The following APPBP2 variants were observed in gnomAD, a reference collection of about 807,000 sequenced individuals.
APPBP2 encodes amyloid protein-binding protein 2.
APPBP2 carries 15 observed loss-of-function variants against 76.0 expected under a neutral mutation model. That is an observed-to-expected ratio of 0.20 (90% CI 0.13 to 0.30). The LOEUF (loss-of-function observed/expected upper bound fraction) is 0.30. Among genes scored for constraint, APPBP2 ranks in the 10% least tolerant of loss-of-function variants. APPBP2 has a pLI of 1.00. For synonymous variants in APPBP2, 222 were observed against 242.2 expected (o/e 0.92, Z 0.77); for missense variants, 401 against 687.2 (o/e 0.58, Z 4.66).
At chr17:60,466,013 A>G (rs2143334326) in intron 5 of APPBP2, among the ~76,000 whole-genome samples, 1 of 152,114 alleles carries the variant, frequency 6.6e-6, no homozygotes, top group East Asian at 1.9e-4. Context: ...AATTTTCTAT[A>G]GAGGCAGGGT....
chr17:60,496,645 G>T (rs141173194), intron 2 of APPBP2, among the ~76,000 whole-genome samples: 1 of 152,152 alleles, frequency 6.6e-6, no homozygotes, highest in East Asian at 1.9e-4. Context: ...AACTAATCAA[G>T]AAGTTTCTCT....
intron 1 of APPBP2, among the ~76,000 whole-genome samples, chr17:60,510,399 C>A (rs901977151): frequency 1.5e-4 from 22 of 151,670 alleles, no homozygotes; most frequent in African/African-American, 5.3e-4. Context: ...CAAAATCCTG[C>A]CTCAAAACAA....
rs1054511466 is a variant in APPBP2, at chr17:60,447,328, C to T, written c.*253G>A. The T allele has an allele frequency of 1.1e-5, 4 of 351,020 alleles. No homozygotes were observed. The highest frequency in any genetic ancestry group is 4.6e-5 in the Admixed American group (1 of 21,662). 21.7% of individuals were successfully genotyped at this position (351,020 alleles called of 1,614,324 possible). A position where few individuals can be genotyped will look rare whatever the true frequency, so the allele number is the denominator to read the frequency against. ...TTTAAAAACAACAAAAAAAAGATTTCCTGTTGTTTGTTCTACTAGGTTGAA... is the reference window on the plus strand; with the variant it reads ...TTTAAAAACAACAAAAAAAAGATTTTCTGTTGTTTGTTCTACTAGGTTGAA... On this transcript the variant is annotated 3_prime_UTR_variant, in exon 13 of 13. Coordinates refer to ENST00000083182, the MANE Select transcript of APPBP2 (RefSeq NM_006380.5).
At chr17:60,505,795 T>C (rs550612752) in intron 1 of APPBP2, among the ~76,000 whole-genome samples, 1 of 146,512 alleles carries the variant, frequency 6.8e-6, no homozygotes, top group Admixed American at 6.9e-5. Context: ...GCAATTCTCA[T>C]GCCTCAGTCT....
At chr17:60,489,629 AAAG>A (rs2090709907) in intron 3 of APPBP2, among the ~76,000 whole-genome samples, 1 of 151,952 alleles carries the variant, frequency 6.6e-6, no homozygotes, top group African/African-American at 2.4e-5. Flanking sequence ...AAAAAAAAAA[AAAG>A]ATTAAAAATG....
chr17:60,498,193 G>C (rs1370123721), intron 2 of APPBP2, among the ~76,000 whole-genome samples: 3 of 151,826 alleles, frequency 2.0e-5, no homozygotes, highest in African/African-American at 7.3e-5. Context: ...ACTACATGAT[G>C]ATACTTAAAA....
chr17:60,485,783 TGTGATG>T (rs1357988512), intron 3 of APPBP2, among the ~76,000 whole-genome samples: 5 of 152,314 alleles, frequency 3.3e-5, no homozygotes, highest in Admixed American at 3.3e-4. Flanking sequence ...CTCTTTTAAT[TGTGATG>T]GTAGGGTGTG....
rs945996571 is a variant in APPBP2, at chr17:60,525,986, T to A, written c.-55A>T. The A allele has an allele frequency of 3.3e-6, 5 of 1,507,268 alleles. No individual in the cohort carries two copies. In the African/African-American group the frequency reaches 6.9e-5, roughly 21 times the overall value. 93.4% of individuals were successfully genotyped at this position (1,507,268 alleles called of 1,614,324 possible). On this transcript the variant is annotated 5_prime_UTR_variant, in exon 1 of 13. Transcript: ENST00000083182. ...CCTCCTCCTCCCGAAGGCCCCCACC[T>A]CCCTCCGTAGCGAACCCCTCTGCGG... is the stretch of plus-strand genomic sequence containing the variant.
At chr17:60,465,525 A>T (rs1472924006) in intron 5 of APPBP2, among the ~76,000 whole-genome samples, 2 of 152,220 alleles carry the variant, frequency 1.3e-5, no homozygotes, top group African/African-American at 4.8e-5. Context: ...GAGAGCTGCA[A>T]AGACATGAAT....
At chr17:60,490,563 GGAAGCT>G (rs1275437750) in intron 3 of APPBP2, among the ~76,000 whole-genome samples, 1 of 152,134 alleles carries the variant, frequency 6.6e-6, no homozygotes, top group Non-Finnish European at 1.5e-5. Flanking sequence ...TAGCTACTCG[GGAAGCT>G]GAAGCAGGAA....
intron 3 of APPBP2, among the ~76,000 whole-genome samples, chr17:60,492,155 C>A (rs1292633155): frequency 1.3e-5 from 2 of 152,152 alleles, no homozygotes; most frequent in Non-Finnish European, 2.9e-5. Flanking sequence ...TGGTGTTGAG[C>A]CTGTGGGTGC....
intron 9 of APPBP2, among the ~76,000 whole-genome samples, chr17:60,457,257 T>C (rs746448205): frequency 4.6e-5 from 7 of 152,170 alleles, no homozygotes; most frequent in Non-Finnish European, 1.0e-4. Context: ...GAAGGTAAGC[T>C]ATTTCTGTTT....
At chr17:60,495,196 C>T (rs1379000766) in intron 2 of APPBP2, among the ~76,000 whole-genome samples, 1 of 151,354 alleles carries the variant, frequency 6.6e-6, no homozygotes, top group African/African-American at 2.4e-5. Context: ...CCATGTTAGC[C>T]GGGATGCTCT....
intron 4 of APPBP2, among the ~76,000 whole-genome samples, chr17:60,467,869 G>A (rs1025739703): frequency 6.6e-6 from 1 of 152,086 alleles, no homozygotes; most frequent in African/African-American, 2.4e-5. Flanking sequence ...TCCTGGCATA[G>A]TCAAAGGAAC....
intron 12 of APPBP2, among the ~76,000 whole-genome samples, chr17:60,450,165 G>A (rs2090382133): frequency 6.6e-6 from 1 of 151,908 alleles, no homozygotes; most frequent in Non-Finnish European, 1.5e-5. Flanking sequence ...GCTGGACGCG[G>A]TGGCTCATGA....
chr17:60,511,582 GAAA>G (rs397946277), intron 1 of APPBP2, among the ~76,000 whole-genome samples: 1 of 116,686 alleles, frequency 8.6e-6, no homozygotes, highest in Admixed American at 9.4e-5. Flanking sequence ...AGACTCCATT[GAAA>G]AAAAAAAAAA....
intron 1 of APPBP2, among the ~76,000 whole-genome samples, chr17:60,509,824 A>T (rs541477740): frequency 6.6e-6 from 1 of 152,244 alleles, no homozygotes; most frequent in South Asian, 2.1e-4. Context: ...ACAACAACAA[A>T]GAAATCATCT....
intron 4 of APPBP2, among the ~76,000 whole-genome samples, chr17:60,468,830 T>C (rs532402248): frequency 6.6e-6 from 1 of 152,364 alleles, no homozygotes; most frequent in South Asian, 2.1e-4. Flanking sequence ...CATAAAATTA[T>C]GTCTACCTGA....
chr17:60,491,024 T>C (rs1351236176), intron 3 of APPBP2, among the ~76,000 whole-genome samples: 1 of 152,194 alleles, frequency 6.6e-6, no homozygotes, highest in Non-Finnish European at 1.5e-5. Context: ...TAAAGATACC[T>C]GAAAATGTGG....
Sources: gnomAD v4.1 joint callset for allele counts (sites outside exome capture counted in the v4.1 genomes callset) on GRCh38, gnomAD v4.1.1 for gene constraint, MANE v1.5 for transcripts, NCBI Gene and HGNC (gene_info 2026-07-23, HGNC 2026-07-21) for gene names.